Variants in PCSK5 observed in about 807,000 individuals in gnomAD.
PCSK5 encodes prohormone convertase 5.
Under a neutral mutation model 233.2 loss-of-function variants are expected in PCSK5, and 129 were observed. The ratio of observed to expected loss-of-function variants is 0.55; its 90% CI spans 0.48 to 0.64. The LOEUF (loss-of-function observed/expected upper bound fraction) is 0.64, where lower values mean the gene tolerates loss of function less well. Ranked by LOEUF, PCSK5 falls within the 30% of genes least tolerant of loss-of-function variation. The probability of loss-of-function intolerance (pLI) is 0.00; values close to 1 mark genes in which losing one functional copy is unlikely to be tolerated. For synonymous variants in PCSK5, 825 were observed against 879.2 expected (o/e 0.94, Z 1.09); for missense variants, 2,076 against 2,430.1 (o/e 0.85, Z 3.06).
intron 2 of PCSK5, among the ~76,000 whole-genome samples, chr9:75,936,237 G>GT (rs1239613782): frequency 1.3e-5 from 2 of 152,212 alleles, no homozygotes; most frequent in Non-Finnish European, 1.5e-5. Flanking sequence ...GCTCAGGGTG[G>GT]TGGTTGCTGA....
intron 8 of PCSK5, among the ~76,000 whole-genome samples, chr9:76,096,976 G>C (rs1179078779): frequency 6.6e-6 from 1 of 151,386 alleles, no homozygotes; most frequent in Non-Finnish European, 1.5e-5. Flanking sequence ...CTTTCGCCCA[G>C]GCTGGAGTAC....
intron 20 of PCSK5, among the ~76,000 whole-genome samples, chr9:76,192,118 T>TAA (rs1824421178): frequency 6.6e-6 from 1 of 150,656 alleles, no homozygotes; most frequent in South Asian, 2.1e-4. Flanking sequence ...AAATCCATTG[T>TAA]AACAACTTGA....
intron 28 of PCSK5, among the ~76,000 whole-genome samples, chr9:76,303,093 T>C (rs1200681074): frequency 6.6e-6 from 1 of 151,958 alleles, no homozygotes; most frequent in East Asian, 1.9e-4. Context: ...TAAAGAACTC[T>C]TGCTGAGGAG....
intron 24 of PCSK5, among the ~76,000 whole-genome samples, chr9:76,284,681 T>C (rs12353058): frequency 0.16 from 23,997 of 151,718 alleles, 2,905 homozygotes; most frequent in African/African-American, 0.34. Flanking sequence ...TACAGACATG[T>C]GCCAGCATGC....
intron 3 of PCSK5, among the ~76,000 whole-genome samples, chr9:76,010,333 C>A (rs1827678058): frequency 6.6e-6 from 1 of 152,106 alleles, no homozygotes; most frequent in Non-Finnish European, 1.5e-5. Context: ...TAAAAACATT[C>A]CAAACTATTA....
At chr9:76,205,801 G>A (rs1460290671) in intron 20 of PCSK5, among the ~76,000 whole-genome samples, 6 of 152,150 alleles carry the variant, frequency 3.9e-5, no homozygotes, top group East Asian at 1.9e-4. Flanking sequence ...CCAGGTAATC[G>A]GCAGAATTTC....
At chr9:76,069,645 A>G (rs1319242426) in intron 6 of PCSK5, among the ~76,000 whole-genome samples, 1 of 152,166 alleles carries the variant, frequency 6.6e-6, no homozygotes, top group African/African-American at 2.4e-5. Context: ...TAGAAAATGA[A>G]CATCACCCTC....
chr9:76,308,953 C>T (rs546339679), intron 29 of PCSK5, among the ~76,000 whole-genome samples: 71 of 152,308 alleles, frequency 4.7e-4, no homozygotes, highest in African/African-American at 1.6e-3. Flanking sequence ...TACAGTGGTT[C>T]ACACCTGTAA....
At chr9:75,914,433 G>C (rs921003961) in intron 1 of PCSK5, among the ~76,000 whole-genome samples, 7 of 152,144 alleles carry the variant, frequency 4.6e-5, no homozygotes, top group African/African-American at 1.7e-4. Context: ...CATGGCTTTA[G>C]AGGAGCCCTA....
In PCSK5 at chr9:75,912,692, A is replaced by G. The variant is rs559650810; in HGVS notation, c.193-19687A>G. Among the ~76,000 whole-genome samples, 8 of 152,338 alleles carry G rather than the reference A, an allele frequency of 5.3e-5. No individual in the cohort carries two copies. In the East Asian group the frequency reaches 1.2e-3, roughly 22 times the overall value. ...AGACATGTGACCCATTCTCTACTACATGATAACAGAAGGTAATTGTTGAGA... is the reference window on the plus strand; with the variant it reads ...AGACATGTGACCCATTCTCTACTACGTGATAACAGAAGGTAATTGTTGAGA... On this transcript the variant is annotated intron_variant, in intron 1 of 37. Coordinates refer to ENST00000674117, the MANE Select transcript of PCSK5 (RefSeq NM_001372043.1).
At chr9:76,185,462 A>C (rs1010741951) in intron 17 of PCSK5, among the ~76,000 whole-genome samples, 1 of 152,168 alleles carries the variant, frequency 6.6e-6, no homozygotes, top group Non-Finnish European at 1.5e-5. Context: ...TATTGATCAT[A>C]TCTTTATTTC....
At chr9:76,021,537 G>C (rs1462055473) in intron 3 of PCSK5, among the ~76,000 whole-genome samples, 1 of 152,098 alleles carries the variant, frequency 6.6e-6, no homozygotes, top group Admixed American at 6.6e-5. Context: ...AGGGCCTCAG[G>C]TGCCAGAAAG....
At chr9:76,344,648 T>C (rs1483225974) in intron 35 of PCSK5, among the ~76,000 whole-genome samples, 1 of 152,160 alleles carries the variant, frequency 6.6e-6, no homozygotes, top group Non-Finnish European at 1.5e-5. Flanking sequence ...GGCTTTCTAT[T>C]TGGTTTTTTG....
At chr9:76,210,291 C>T (rs937024621) in intron 20 of PCSK5, among the ~76,000 whole-genome samples, 7 of 152,128 alleles carry the variant, frequency 4.6e-5, no homozygotes, top group African/African-American at 9.7e-5. Context: ...TGGTATATAA[C>T]ATAGGCCTCA....
intron 2 of PCSK5, among the ~76,000 whole-genome samples, chr9:75,937,659 C>T (rs376461320): frequency 6.6e-6 from 1 of 152,230 alleles, no homozygotes; most frequent in Middle Eastern, 3.2e-3. Flanking sequence ...CATCTTCTTT[C>T]AACAGAAGGC....
chr9:76,201,806 A>T (rs905128444), intron 20 of PCSK5, among the ~76,000 whole-genome samples: 6 of 152,246 alleles, frequency 3.9e-5, no homozygotes, highest in Non-Finnish European at 7.3e-5. Context: ...TTCCTTTCAT[A>T]ATTTCTTTGT....
chr9:75,902,385 G>C (rs775220072), intron 1 of PCSK5, among the ~76,000 whole-genome samples: 4 of 152,210 alleles, frequency 2.6e-5, no homozygotes, highest in Admixed American at 1.3e-4. Flanking sequence ...TGAGGAAGGT[G>C]GTGGGGCCAA....
At chr9:76,095,452 G>C (rs1412080021) in intron 7 of PCSK5, among the ~76,000 whole-genome samples, 1 of 152,046 alleles carries the variant, frequency 6.6e-6, no homozygotes, top group Non-Finnish European at 1.5e-5. Context: ...TCACTCTCTG[G>C]GTTCAAATTT....
At chr9:76,126,802 G>T (rs2131729917) in intron 9 of PCSK5, among the ~76,000 whole-genome samples, 1 of 152,186 alleles carries the variant, frequency 6.6e-6, no homozygotes, top group Non-Finnish European at 1.5e-5. Flanking sequence ...GTGGTGAGAG[G>T]GGATTAGACG....
Sources: gnomAD v4.1 joint callset for allele counts (sites outside exome capture counted in the v4.1 genomes callset) on GRCh38, gnomAD v4.1.1 for gene constraint, MANE v1.5 for transcripts, NCBI Gene and HGNC (gene_info 2026-07-23, HGNC 2026-07-21) for gene names.